SLC15A1: variants seen among roughly 807,000 people sequenced by gnomAD.
SLC15A1 encodes the protein Caco-2 oligopeptide transporter.
Under a neutral mutation model 92.9 loss-of-function variants are expected in SLC15A1, and 83 were observed. The ratio of observed to expected loss-of-function variants is 0.89; its 90% CI spans 0.75 to 1.07. The LOEUF (loss-of-function observed/expected upper bound fraction) is 1.07. Ranked by LOEUF, SLC15A1 falls within the 50% of genes least tolerant of loss-of-function variation. SLC15A1 has a pLI of 0.00. For missense variants in SLC15A1, 857 were observed against 880.1 expected (o/e 0.97, Z 0.33); for synonymous variants, 322 against 318.2 (o/e 1.01, Z -0.13).
At chr13:98,750,148 TGTC>T in intron 1 of SLC15A1, among the ~76,000 whole-genome samples, 1 of 152,212 alleles carries the variant, frequency 6.6e-6, no homozygotes, top group South Asian at 2.1e-4. Flanking sequence ...GTTTCACTCT[TGTC>T]GTCCAGGCTG....
chr13:98,702,989 A>G (rs9554496), intron 17 of SLC15A1, among the ~76,000 whole-genome samples: 5,300 of 143,866 alleles, frequency 0.037, 168 homozygotes, highest in East Asian at 0.091. Flanking sequence ...AAAAAAAAAA[A>G]AAAAGAAAAG....
intron 1 of SLC15A1, among the ~76,000 whole-genome samples, chr13:98,741,323 C>T (rs1162486096): frequency 6.6e-6 from 1 of 152,218 alleles, no homozygotes; most frequent in Non-Finnish European, 1.5e-5. Flanking sequence ...AAATAGCCTC[C>T]TTTTCAGGAG....
intron 20 of SLC15A1, 48 bp from the exon 21 acceptor site, chr13:98,687,772 T>TA (rs1178440050): frequency 1.2e-6 from 2 of 1,600,556 alleles, no homozygotes; most frequent in African/African-American, 1.3e-5. Context: ...GCTTCTAAAA[T>TA]AAAAACTGTT....
rs143472819 is a variant in SLC15A1 at position 98,687,744 on chromosome 13, G to A, written c.1684-20C>T. 866 of 1,607,320 alleles carry A rather than the reference G, an allele frequency of 5.4e-4. 5 individuals carry two copies. In the Middle Eastern group the frequency reaches 0.014, roughly 25 times the overall value. The stretch of plus-strand genomic sequence containing the variant: ...GTCATTCTGCAGCAGTAAGGCAAAA[G>A]CAGAAGAAGTTGAGATAGCTTCTAA... On this transcript the variant is annotated intron_variant, in intron 20 of 22. Coordinates refer to ENST00000376503, the MANE Select transcript of SLC15A1 (RefSeq NM_005073.4).
chr13:98,729,446 A>G (rs888906317), intron 1 of SLC15A1, among the ~76,000 whole-genome samples: 4 of 152,302 alleles, frequency 2.6e-5, no homozygotes, highest in Non-Finnish European at 5.9e-5. Context: ...GGTGATGTCA[A>G]TGATGCTGGT....
At chr13:98,689,573 G>A (rs533099871) in intron 18 of SLC15A1, among the ~76,000 whole-genome samples, 1 of 152,168 alleles carries the variant, frequency 6.6e-6, no homozygotes, top group East Asian at 1.9e-4. Flanking sequence ...AGCTTCCTGA[G>A]TAGCTGGGAC....
chr13:98,714,266 T>C (rs1307444897), intron 9 of SLC15A1, among the ~76,000 whole-genome samples: 1 of 152,142 alleles, frequency 6.6e-6, no homozygotes, highest in Non-Finnish European at 1.5e-5. Flanking sequence ...GGAACAGTTC[T>C]AATGTGAGAA....
At chr13:98,721,190 C>T (rs1389892878) in intron 7 of SLC15A1, 1 of 557,864 alleles carries the variant, frequency 1.8e-6, no homozygotes, top group Non-Finnish European at 3.5e-6. Context: ...CAAGGCACCT[C>T]TCTTGCCTCT....
intron 18 of SLC15A1, among the ~76,000 whole-genome samples, chr13:98,692,124 TC>T (rs2087984045): frequency 7.3e-6 from 1 of 137,782 alleles, no homozygotes; most frequent in African/African-American, 2.6e-5. Context: ...AGTCCCCCTC[TC>T]TTCTCCTAAA....
rs145679469 is a variant in SLC15A1, at chr13:98,726,185, A to T, written c.183T>A (p.Ala61=). ...CGAGAATTGGCGTCAGGTAGCACAG[A>T]GCCACAAACGTATGGTAGATGGCGG... ...LSTAIYHTFV[A]LCYLTPILGA... The change falls in exon 4 of 23, where the codon GCT becomes GCA. Residue 61 remains alanine (A), a synonymous_variant. Coordinates refer to ENST00000376503, the MANE Select transcript of SLC15A1 (RefSeq NM_005073.4). 35 of 1,614,098 alleles carry T rather than the reference A, an allele frequency of 2.2e-5. No individual in the cohort carries two copies. In the African/African-American group the frequency reaches 4.7e-4, roughly 22 times the overall value.
intron 1 of SLC15A1, among the ~76,000 whole-genome samples, chr13:98,746,031 C>T (rs1464524344): frequency 6.6e-6 from 1 of 152,082 alleles, no homozygotes; most frequent in Non-Finnish European, 1.5e-5. Context: ...CTCCTCCTAC[C>T]CTCTACCCTC....
In SLC15A1 at chr13:98,721,794, C is replaced by T. The variant is rs374105685; in HGVS notation, c.465+10G>A. 1.2e-6 allele frequency: 2 copies of T among 1,613,128 alleles called. No homozygotes were observed. Among genetic ancestry groups the T allele is most frequent in the Admixed American group, 1.7e-5 (1 of 59,966 alleles). On this transcript the variant is annotated intron_variant, in intron 6 of 22. Transcript: ENST00000376503. Reference sequence around the variant, plus strand: ...ATTCACGTGGGCTCTGGGGAGGCCCCTACCCTTACCTGGCCCTCTTCAAAC... The same window carrying T: ...ATTCACGTGGGCTCTGGGGAGGCCCTTACCCTTACCTGGCCCTCTTCAAAC...
Position 98,708,695 on chromosome 13 carries a change from C to T in SLC15A1, c.1140G>A (p.Val380=), listed in dbSNP as rs755380236. The change falls in exon 15 of 23, where the codon GTG becomes GTA. Residue 380 remains valine, a synonymous_variant. Transcript: ENST00000376503. Reference sequence around the variant, plus strand: ...CCAGGGGACAACTCACATCGATTTCCACCTGCACGATGGCAGCCACCACAA... The same window carrying T: ...CCAGGGGACAACTCACATCGATTTCTACCTGCACGATGGCAGCCACCACAA... ...MAFVVAAIVQ[V]EIDKTLPVFP... 1.8e-5 allele frequency: 29 copies of T among 1,613,158 alleles called. No individual in the cohort carries two copies. The highest frequency in any genetic ancestry group is 8.4e-5 in the Admixed American group (5 of 59,796).
intron 1 of SLC15A1, among the ~76,000 whole-genome samples, chr13:98,749,097 G>T (rs2149494): frequency 0.59 from 89,189 of 152,126 alleles, 26,862 homozygotes; most frequent in Non-Finnish European, 0.67. Flanking sequence ...GCTTCCTTCA[G>T]TGTGGGACCA....
Position 98,721,485 on chromosome 13 carries a change from T to C in SLC15A1, c.556+10A>G. The C allele has an allele frequency of 6.2e-7, 1 of 1,600,660 alleles. No homozygotes were observed. Among genetic ancestry groups the C allele is most frequent in the South Asian group, 1.1e-5 (1 of 90,668 alleles). On this transcript the variant is annotated intron_variant, in intron 7 of 22. Transcript: ENST00000376503. ...AAGACCAACAGAAGTTCCTTTCAGG[T>C]ATCTCTTACCTCTGAGCATGGGTGT...
intron 11 of SLC15A1, 104 bp from the exon 12 acceptor site, chr13:98,710,015 T>C: frequency 9.4e-7 from 1 of 1,061,666 alleles, no homozygotes; most frequent in Admixed American, 1.9e-5. Context: ...GTCTGACATG[T>C]TATGGGATTT....
intron 1 of SLC15A1, among the ~76,000 whole-genome samples, chr13:98,747,179 C>T (rs919116982): frequency 8.5e-5 from 13 of 152,272 alleles, no homozygotes; most frequent in African/African-American, 2.4e-4. Flanking sequence ...GTTGCAACCC[C>T]GGGATGATGA....
At chr13:98,701,755 C>T (rs569264283) in intron 18 of SLC15A1, among the ~76,000 whole-genome samples, 1 of 151,766 alleles carries the variant, frequency 6.6e-6, no homozygotes, top group East Asian at 1.9e-4. Context: ...ACTGCAACCC[C>T]CGTCTACCAG....
At position 98,723,963 on chromosome 13, in the gene SLC15A1, T is replaced by A; in HGVS notation, c.314A>T (p.Asp105Val). The change falls in exon 5 of 23, where the codon GAC (aspartate) becomes GTC (valine). Residue 105 changes from aspartate to valine, a missense_variant. Physicochemically the swap from Asp to Val is radical, Grantham distance 152 (BLOSUM62 -3). Transcript: ENST00000376503. ...QAVTSVSSINDLTDHNHDGTP... is the reference protein window; with the variant it reads ...QAVTSVSSINVLTDHNHDGTP... ...GCCATCATGGTTGTGGTCTGTGAGG[T>A]CATTAATGGAGCTTACTGAGGTGAC... The A allele has an allele frequency of 1.2e-6, 2 of 1,614,054 alleles. No homozygotes were observed. Among genetic ancestry groups the A allele is most frequent in the Non-Finnish European group, 1.7e-6 (2 of 1,180,006 alleles).
Sources: gnomAD v4.1 joint callset for allele counts (sites outside exome capture counted in the v4.1 genomes callset) on GRCh38, gnomAD v4.1.1 for gene constraint, MANE v1.5 for transcripts, NCBI Gene and HGNC (gene_info 2026-07-23, HGNC 2026-07-21) for gene names.